B3GAT2: variants seen among roughly 807,000 people sequenced by gnomAD.
The protein encoded by B3GAT2 is beta-1,3-glucuronyltransferase 2.
In B3GAT2, 26 loss-of-function variants were observed where a neutral mutation model predicts 27.8. That is an observed-to-expected ratio of 0.93 (90% confidence interval 0.68 to 1.30). The LOEUF is 1.30. B3GAT2 is among the 50% of genes most tolerant of loss of function. B3GAT2 has a pLI of 0.00. For missense variants in B3GAT2, 458 were observed against 459.0 expected (o/e 1.00, Z 0.02); for synonymous variants, 218 against 195.1 (o/e 1.12, Z -0.98).
intron 2 of B3GAT2, among the ~76,000 whole-genome samples, chr6:70,875,262 G>T (rs941366991): frequency 1.3e-5 from 2 of 152,128 alleles, no homozygotes; most frequent in African/African-American, 2.4e-5. Context: ...ACAGAAAACT[G>T]CTACTTAACT....
intron 2 of B3GAT2, among the ~76,000 whole-genome samples, chr6:70,878,485 G>A (rs980091409): frequency 1.3e-5 from 2 of 151,996 alleles, no homozygotes; most frequent in East Asian, 3.9e-4. Flanking sequence ...CTCTTTTGTT[G>A]TCTGTCCTTC....
chr6:70,862,977 CAAA>C (rs1053840715), intron 2 of B3GAT2, among the ~76,000 whole-genome samples: 8 of 151,996 alleles, frequency 5.3e-5, no homozygotes, highest in African/African-American at 1.9e-4. Flanking sequence ...GGCCCTGTCT[CAAA>C]GAAAAAAGAA....
Position 70,892,540 on chromosome 6 carries a change from C to T in B3GAT2, c.736+1588G>A, listed in dbSNP as rs1772307435. On this transcript the variant is annotated intron_variant, in intron 2 of 3. Transcript: ENST00000230053. Reference sequence around the variant, plus strand: ...AAAATCTGAAGCAAAAGTCTGTCTGCGGCTGCTTGAGCAGTCACAATCCTC... The same window carrying T: ...AAAATCTGAAGCAAAAGTCTGTCTGTGGCTGCTTGAGCAGTCACAATCCTC... Among the ~76,000 whole-genome samples the T allele has an allele frequency of 2.6e-5, 4 of 152,146 alleles. 1 individual carries two copies. The highest frequency in any genetic ancestry group is 2.0e-4 in the Admixed American group (3 of 15,280).
intron 1 of B3GAT2, among the ~76,000 whole-genome samples, chr6:70,900,040 T>C (rs1772470668): frequency 6.6e-6 from 1 of 152,220 alleles, no homozygotes; most frequent in Admixed American, 6.5e-5. Flanking sequence ...CAGCAATTCA[T>C]GTATTTATAG....
At chr6:70,955,427 C>G (rs1765638275) in intron 1 of B3GAT2, among the ~76,000 whole-genome samples, 3 of 149,954 alleles carry the variant, frequency 2.0e-5, no homozygotes, top group South Asian at 2.1e-4. Context: ...ACCCCCACCC[C>G]TCCACCGCCA....
At chr6:70,916,927 A>G (rs1389340318) in intron 1 of B3GAT2, among the ~76,000 whole-genome samples, 1 of 152,112 alleles carries the variant, frequency 6.6e-6, no homozygotes, top group Non-Finnish European at 1.5e-5. Context: ...TGAGTTAGGG[A>G]AGATTCCCTC....
intron 2 of B3GAT2, among the ~76,000 whole-genome samples, chr6:70,879,680 A>C (rs1286033813): frequency 6.6e-6 from 1 of 152,142 alleles, no homozygotes; most frequent in African/African-American, 2.4e-5. Context: ...CTATGAAGGA[A>C]GGGTGCGGGT....
intron 1 of B3GAT2, among the ~76,000 whole-genome samples, chr6:70,934,700 T>C (rs1714503163): frequency 6.6e-6 from 1 of 152,158 alleles, no homozygotes; most frequent in East Asian, 1.9e-4. Flanking sequence ...TGAGAAACAC[T>C]GCTGTAAGAA....
intron 1 of B3GAT2, among the ~76,000 whole-genome samples, chr6:70,916,243 T>C (rs933915928): frequency 1.3e-5 from 2 of 152,154 alleles, no homozygotes; most frequent in South Asian, 2.1e-4. Context: ...TTTTTGTACA[T>C]TGATTTTGTA....
intron 1 of B3GAT2, among the ~76,000 whole-genome samples, chr6:70,945,124 A>C: frequency 6.6e-6 from 1 of 152,058 alleles, no homozygotes. Flanking sequence ...AGATGGGGAA[A>C]AAACAGAGCA....
chr6:70,860,137 TAAAG>T lies in B3GAT2; in HGVS notation c.*1522_*1525del. 3 of 1,505,516 alleles carry T rather than the reference TAAAG, an allele frequency of 2.0e-6. No individual in the cohort carries two copies. The highest frequency in any genetic ancestry group is 2.7e-6 in the Non-Finnish European group (3 of 1,126,442). The allele number at this position is 1,505,516 out of a possible 1,614,324, so 93.3% of individuals were successfully genotyped here. ...ATGAAAAAATGACCAACTGTGTGGCTAAAGAAACAAGAATTAAAAGTGAAGTAAG... is the reference window on the plus strand; with the variant it reads ...ATGAAAAAATGACCAACTGTGTGGCTAAACAAGAATTAAAAGTGAAGTAAG... On this transcript the variant is annotated 3_prime_UTR_variant, in exon 4 of 4. Coordinates refer to ENST00000230053, the MANE Select transcript of B3GAT2 (RefSeq NM_080742.3).
chr6:70,899,252 A>G (rs775041795), intron 1 of B3GAT2, among the ~76,000 whole-genome samples: 29 of 152,248 alleles, frequency 1.9e-4, no homozygotes, highest in Non-Finnish European at 3.4e-4. Flanking sequence ...CATGTTTTGC[A>G]TTAGACTTTT....
chr6:70,926,348 T>C (rs1238076271), intron 1 of B3GAT2, among the ~76,000 whole-genome samples: 1 of 152,218 alleles, frequency 6.6e-6, no homozygotes, highest in East Asian at 1.9e-4. Flanking sequence ...AGAAGTAGGC[T>C]TCAGAAGATT....
rs1162991706 is a variant in B3GAT2 at position 70,956,371 on chromosome 6, A to C, written c.59T>G (p.Ile20Ser). 1 of 1,559,696 alleles carries C rather than the reference A, an allele frequency of 6.4e-7. No individual in the cohort carries two copies. Among genetic ancestry groups the C allele is most frequent in the Non-Finnish European group, 8.7e-7 (1 of 1,151,312 alleles). The change falls in exon 1 of 4, where the codon ATC (isoleucine) becomes AGC (serine). Residue 20 changes from isoleucine to serine, a missense_variant. Ile to Ser is a moderately radical substitution (Grantham distance 142). Coordinates refer to ENST00000230053, the MANE Select transcript of B3GAT2 (RefSeq NM_080742.3). Reference protein sequence around the residue: ...FILLPWILIVIIMLDVDTRRP... With the variant: ...FILLPWILIVSIMLDVDTRRP... ...GCGCGTGTCCACGTCGAGCATGATG[A>C]TGACAATTAGGATCCAGGGCAGGAG...
intron 1 of B3GAT2, among the ~76,000 whole-genome samples, chr6:70,904,259 G>A (rs1582370196): frequency 3.3e-5 from 5 of 152,328 alleles, no homozygotes; most frequent in African/African-American, 9.6e-5. Flanking sequence ...ATAGGTGACA[G>A]GGTGACAGTT....
chr6:70,903,380 A>C (rs868271846), intron 1 of B3GAT2, among the ~76,000 whole-genome samples: 2 of 152,082 alleles, frequency 1.3e-5, no homozygotes, highest in South Asian at 4.1e-4. Flanking sequence ...TCAAAATTAA[A>C]ATTTTCTACT....
intron 1 of B3GAT2, among the ~76,000 whole-genome samples, chr6:70,937,972 T>G (rs1020141980): frequency 4.6e-5 from 7 of 151,340 alleles, no homozygotes; most frequent in African/African-American, 1.7e-4. Context: ...TGTCCCTGTT[T>G]GCAGACGACA....
intron 1 of B3GAT2, among the ~76,000 whole-genome samples, chr6:70,923,556 G>A (rs1372614936): frequency 6.6e-6 from 1 of 152,034 alleles, no homozygotes; most frequent in Non-Finnish European, 1.5e-5. Context: ...TGAACCTATA[G>A]TCCCAGCTGC....
In B3GAT2 at chr6:70,861,811, G is replaced by A; in HGVS notation, c.885+19C>T. 6.2e-7 allele frequency: 1 copy of A among 1,614,052 alleles called. No homozygotes were observed. Among genetic ancestry groups the A allele is most frequent in the Non-Finnish European group, 8.5e-7 (1 of 1,179,958 alleles). Reference sequence around the variant, plus strand: ...TCATGGTGACACTCGAGGTCGGGCAGCACAAGTGTAATGAATACCTTAGTG... The same window carrying A: ...TCATGGTGACACTCGAGGTCGGGCAACACAAGTGTAATGAATACCTTAGTG... On this transcript the variant is annotated intron_variant, in intron 3 of 3. Transcript: ENST00000230053.
Sources: gnomAD v4.1 joint callset for allele counts (sites outside exome capture counted in the v4.1 genomes callset) on GRCh38, gnomAD v4.1.1 for gene constraint, MANE v1.5 for transcripts, NCBI Gene and HGNC (gene_info 2026-07-23, HGNC 2026-07-21) for gene names.